Variants in PTPRD observed in about 807,000 individuals in gnomAD.
PTPRD encodes the protein protein tyrosine phosphatase receptor type D, also known as receptor-type tyrosine-protein phosphatase delta.
Under a neutral mutation model 214.5 loss-of-function variants are expected in PTPRD, and 34 were observed. The observed-to-expected ratio is 0.16, with a 90% CI of 0.12 to 0.21. The LOEUF is 0.21. Among genes scored for constraint, PTPRD ranks in the 10% least tolerant of loss-of-function variants. PTPRD has a pLI of 1.00. For missense variants in PTPRD, 2,545 were observed against 2,398.7 expected (o/e 1.06, Z -1.27); for synonymous variants, 1,128 against 845.7 (o/e 1.33, Z -5.79).
intron 14 of PTPRD, among the ~76,000 whole-genome samples, chr9:8,557,948 C>T (rs12001671): frequency 0.14 from 21,216 of 151,494 alleles, 4,447 homozygotes; most frequent in African/African-American, 0.46. Context: ...ATTTTTTTGT[C>T]TCCTTTAAGC....
At chr9:9,115,536 T>G (rs2099811593) in intron 10 of PTPRD, among the ~76,000 whole-genome samples, 1 of 152,176 alleles carries the variant, frequency 6.6e-6, no homozygotes, top group African/African-American at 2.4e-5. Context: ...GGTGGGAATG[T>G]AAATTACTAC....
intron 8 of PTPRD, among the ~76,000 whole-genome samples, chr9:9,492,696 G>A (rs987238888): frequency 1.3e-5 from 2 of 150,970 alleles, no homozygotes; most frequent in Non-Finnish European, 2.9e-5. Context: ...GTTTTATTAT[G>A]GTTCACTTTA....
At chr9:9,210,802 G>T (rs537689243) in intron 9 of PTPRD, among the ~76,000 whole-genome samples, 1 of 151,080 alleles carries the variant, frequency 6.6e-6, no homozygotes, top group African/African-American at 2.4e-5. Flanking sequence ...TACTAATTTT[G>T]CTCCCTGGCA....
intron 5 of PTPRD, among the ~76,000 whole-genome samples, chr9:9,812,585 T>A (rs573994488): frequency 1.3e-5 from 2 of 152,186 alleles, no homozygotes; most frequent in South Asian, 4.1e-4. Context: ...CACTATATAA[T>A]GATAAAGGAA....
intron 4 of PTPRD, among the ~76,000 whole-genome samples, chr9:9,961,001 G>A (rs1033282623): frequency 1.3e-5 from 2 of 152,056 alleles, no homozygotes; most frequent in African/African-American, 4.8e-5. Flanking sequence ...GTGGGTGAAA[G>A]ATATGAACAG....
At chr9:9,644,083 A>G (rs1010043517) in intron 7 of PTPRD, among the ~76,000 whole-genome samples, 4 of 152,184 alleles carry the variant, frequency 2.6e-5, no homozygotes, top group East Asian at 1.9e-4. Flanking sequence ...CTGTACAACT[A>G]TAAGTATTGT....
chr9:10,262,011 T>C lies in PTPRD; in HGVS notation c.-545+78952A>G, dbSNP rs530453061. Among the ~76,000 whole-genome samples, 12 of 152,230 alleles carry C rather than the reference T, an allele frequency of 7.9e-5. No individual in the cohort carries two copies. The South Asian group carries it at 2.1e-3, about 26-fold the overall frequency. ...ATAATGTCTCCCCTAGAATATTTGA[T>C]TGCCCCACAATCAAAGAGAGAAGAT... On this transcript the variant is annotated intron_variant, in intron 3 of 45. Transcript: ENST00000381196.
chr9:9,353,319 A>G (rs983177113), intron 9 of PTPRD, among the ~76,000 whole-genome samples: 4 of 152,026 alleles, frequency 2.6e-5, no homozygotes, highest in Non-Finnish European at 4.4e-5. Flanking sequence ...ACATAGAATC[A>G]TAGGTGACTT....
chr9:9,275,073 T>TA (rs1555158912), intron 9 of PTPRD, among the ~76,000 whole-genome samples: 14 of 80,466 alleles, frequency 1.7e-4, no homozygotes, highest in East Asian at 6.8e-4. Flanking sequence ...ATATTATATA[T>TA]ATATATATAA....
chr9:8,729,500 T>G (rs72702312), intron 12 of PTPRD, among the ~76,000 whole-genome samples: 45 of 152,278 alleles, frequency 3.0e-4, no homozygotes, highest in Admixed American at 9.8e-4. Flanking sequence ...AACTGTTTGC[T>G]AAATCTTGTT....
At chr9:9,956,280 T>TAAAAAAAAAAAAAAAAAAA (rs202114228) in intron 4 of PTPRD, among the ~76,000 whole-genome samples, 1 of 127,574 alleles carries the variant, frequency 7.8e-6, no homozygotes. Flanking sequence ...AAGTCAAACT[T>TAAAAAAAAAAAAAAAAAAA]AAAAAAAAAA....
rs1438593630 is a variant in PTPRD, at chr9:9,171,960, G to A, written c.-143+11344C>T. ...CTAGGCTGTTTATGATAGATGATAA[G>A]GATATTATAGAGGGAGGGCCAAAAC... On this transcript the variant is annotated intron_variant, in intron 10 of 45. Transcript: ENST00000381196. 2.6e-5 allele frequency among the ~76,000 whole-genome samples: 4 copies of A among 152,152 alleles called. No homozygotes were observed. The East Asian group carries it at 5.8e-4, about 22-fold the overall frequency.
chr9:9,576,747 T>C (rs1376668358), intron 7 of PTPRD, among the ~76,000 whole-genome samples: 1 of 152,196 alleles, frequency 6.6e-6, no homozygotes, highest in East Asian at 1.9e-4. Context: ...TACTATTTTA[T>C]TACTAAAAGT....
At chr9:10,408,395 C>T (rs7023488) in intron 2 of PTPRD, among the ~76,000 whole-genome samples, 128,585 of 151,510 alleles carry the variant, frequency 0.85, 54,725 homozygotes, top group East Asian at 0.88. Context: ...AAAGAGCTGA[C>T]GGTCTGTAAT....
chr9:8,921,193 T>A (rs530082743), intron 11 of PTPRD, among the ~76,000 whole-genome samples: 1 of 152,322 alleles, frequency 6.6e-6, no homozygotes, highest in Admixed American at 6.5e-5. Context: ...CATTGACACA[T>A]TAGAAGATAG....
At chr9:10,289,558 C>G (rs567655546) in intron 3 of PTPRD, among the ~76,000 whole-genome samples, 2 of 152,198 alleles carry the variant, frequency 1.3e-5, no homozygotes, top group African/African-American at 4.8e-5. Flanking sequence ...GTTGCTTCCC[C>G]TACCGCCCCG....
rs1159124682 is a variant in PTPRD at position 8,331,561 on chromosome 9, TA to T, written c.5534+20del. The T allele has an allele frequency of 1.9e-5, 17 of 897,050 alleles. No individual in the cohort carries two copies. Among genetic ancestry groups the T allele is most frequent in the Non-Finnish European group, 2.3e-5 (16 of 695,214 alleles). The allele number at this position is 897,050 out of a possible 1,614,324, so 55.6% of individuals were successfully genotyped here. On this transcript the variant is annotated intron_variant, in intron 44 of 45. Transcript: ENST00000381196. ...GAAACACCACCACTTATCACTGCTTTATTCACAAATGGAAACTTACCTGCAA... is the reference window on the plus strand; with the variant it reads ...GAAACACCACCACTTATCACTGCTTTTTCACAAATGGAAACTTACCTGCAA...
chr9:9,493,354 C>G (rs1429696124), intron 8 of PTPRD, among the ~76,000 whole-genome samples: 2 of 152,094 alleles, frequency 1.3e-5, no homozygotes, highest in Non-Finnish European at 1.5e-5. Flanking sequence ...TCTGTTAATT[C>G]ACCAGGAACA....
chr9:8,373,615 GTGTGTGTGT>G (rs1564364198), intron 39 of PTPRD, among the ~76,000 whole-genome samples: 81 of 31,328 alleles, frequency 2.6e-3, no homozygotes, highest in South Asian at 9.7e-3. Context: ...GGATGCGGGT[GTGTGTGTGT>G]GTGTGTGTGT....
Sources: allele counts gnomAD v4.1 joint callset (sites outside exome capture counted in the v4.1 genomes callset), GRCh38; gene constraint gnomAD v4.1.1; transcripts MANE v1.5; gene names NCBI Gene and HGNC (gene_info 2026-07-23, HGNC 2026-07-21).